The following SCRG1 variants were observed in gnomAD, a reference collection of about 807,000 sequenced individuals.
SCRG1 encodes the protein stimulator of chondrogenesis 1, also known as scrapie-responsive protein 1.
A neutral mutation model predicts 7.7 loss-of-function variants in SCRG1; 3 were observed. That is an observed-to-expected ratio of 0.39 (90% confidence interval 0.18 to 1.01). SCRG1 has a LOEUF of 1.01. SCRG1 is among the 50% of genes least tolerant of loss of function. The pLI is 0.36. For synonymous variants in SCRG1, 46 were observed against 41.2 expected (o/e 1.12, Z -0.44); for missense variants, 110 against 117.2 (o/e 0.94, Z 0.28).
the SCRG1 span, among the ~76,000 whole-genome samples, chr4:173,455,433 G>T: frequency 6.6e-6 from 1 of 152,114 alleles, no homozygotes; most frequent in Non-Finnish European, 1.5e-5. Context: ...CAGTGAAGGG[G>T]CATCGCAGTT....
chr4:173,403,643 T>C (rs1472737696), upstream of SCRG1, among the ~76,000 whole-genome samples: 4 of 152,086 alleles, frequency 2.6e-5, no homozygotes, highest in Non-Finnish European at 5.9e-5. Context: ...TAGGAGCCCA[T>C]GGAATAGTTA....
the SCRG1 span, among the ~76,000 whole-genome samples, chr4:173,431,028 T>C: frequency 6.6e-6 from 1 of 152,156 alleles, no homozygotes; most frequent in African/African-American, 2.4e-5. Context: ...ACAATGTTCA[T>C]GATTTGGATC....
chr4:173,424,638 G>T, the SCRG1 span, among the ~76,000 whole-genome samples: 2 of 152,100 alleles, frequency 1.3e-5, no homozygotes, highest in African/African-American at 4.8e-5. Context: ...GGCTGGGCGC[G>T]GTGGCTCACG....
At chr4:173,493,502 CAGCTACTTGGGAGGCTG>C in the SCRG1 span, among the ~76,000 whole-genome samples, 1 of 151,854 alleles carries the variant, frequency 6.6e-6, no homozygotes, top group African/African-American at 2.4e-5. Context: ...CTTGTAGTCC[CAGCTACTTGGGAGGCTG>C]AGGCAGGAGA....
the SCRG1 span, among the ~76,000 whole-genome samples, chr4:173,411,867 ATGGTT>A: frequency 2.6e-5 from 4 of 152,248 alleles, no homozygotes; most frequent in East Asian, 7.7e-4. Context: ...CCTTGTGTCG[ATGGTT>A]ATTAGGTGTG....
At chr4:173,493,209 G>A in the SCRG1 span, among the ~76,000 whole-genome samples, 2 of 152,110 alleles carry the variant, frequency 1.3e-5, no homozygotes, top group Non-Finnish European at 2.9e-5. Context: ...TCAGGGGGCA[G>A]ACTTCCCCCT....
At chr4:173,495,659 G>A in the SCRG1 span, among the ~76,000 whole-genome samples, 7 of 152,316 alleles carry the variant, frequency 4.6e-5, no homozygotes, top group South Asian at 2.1e-4. Context: ...TTACAGATGA[G>A]GAAACTGAAG....
chr4:173,388,191 G>T lies in SCRG1; in HGVS notation c.*150C>A, dbSNP rs1421423981. 1.0e-5 allele frequency: 5 copies of T among 498,446 alleles called. No homozygotes were observed. Among genetic ancestry groups the T allele is most frequent in the African/African-American group, 6.0e-5 (3 of 50,172 alleles). The allele number at this position is 498,446 out of a possible 1,614,324, so 30.9% of individuals were successfully genotyped here. A position where few individuals can be genotyped will look rare whatever the true frequency, so the allele number is the denominator to read the frequency against. On this transcript the variant is annotated 3_prime_UTR_variant, in exon 3 of 3. Coordinates refer to ENST00000296506, the MANE Select transcript of SCRG1 (RefSeq NM_007281.4). ...ATTGAATTAACTTTTATTACTACTTGTTTAACACAGATTTACTTGTCTTAG... is the reference window on the plus strand; with the variant it reads ...ATTGAATTAACTTTTATTACTACTTTTTTAACACAGATTTACTTGTCTTAG...
intron 1 of SCRG1, among the ~76,000 whole-genome samples, chr4:173,396,919 G>T (rs1233448267): frequency 6.6e-6 from 1 of 151,990 alleles, no homozygotes; most frequent in Non-Finnish European, 1.5e-5. Flanking sequence ...TGAGAGTGGT[G>T]TCATGTGACT....
At chr4:173,408,474 A>C (rs1739967510), upstream of SCRG1, among the ~76,000 whole-genome samples, 1 of 152,220 alleles carries the variant, frequency 6.6e-6, no homozygotes, top group Non-Finnish European at 1.5e-5. Flanking sequence ...GTATGGCTCA[A>C]GTGTAAATAT....
the SCRG1 span, among the ~76,000 whole-genome samples, chr4:173,489,462 C>G: frequency 4.6e-5 from 7 of 151,984 alleles, no homozygotes; most frequent in African/African-American, 9.7e-5. Flanking sequence ...GTCCATTTTT[C>G]CACTTCTTTC....
the SCRG1 span, among the ~76,000 whole-genome samples, chr4:173,517,198 G>A: frequency 2.0e-5 from 3 of 152,162 alleles, no homozygotes; most frequent in South Asian, 2.1e-4. Flanking sequence ...TCCAGGCGAG[G>A]ACTTAAAAAC....
chr4:173,491,539 A>G, the SCRG1 span, among the ~76,000 whole-genome samples: 6 of 152,202 alleles, frequency 3.9e-5, no homozygotes, highest in African/African-American at 1.2e-4. Flanking sequence ...TAAGTGGCAT[A>G]TATTCAGTCT....
At chr4:173,454,409 G>A in the SCRG1 span, among the ~76,000 whole-genome samples, 1 of 152,118 alleles carries the variant, frequency 6.6e-6, no homozygotes, top group East Asian at 1.9e-4. Context: ...GCAAGGAGAC[G>A]AAGGGAAGGT....
At chr4:173,443,694 GT>G in the SCRG1 span, among the ~76,000 whole-genome samples, 23 of 151,246 alleles carry the variant, frequency 1.5e-4, no homozygotes, top group African/African-American at 4.9e-4. Flanking sequence ...ATCACTTTCT[GT>G]TCTGAATTCT....
chr4:173,482,749 T>G, the SCRG1 span, among the ~76,000 whole-genome samples: 1 of 151,160 alleles, frequency 6.6e-6, no homozygotes, highest in Admixed American at 6.7e-5. Flanking sequence ...GCCCAGGAGG[T>G]CAAGGCTGCA....
chr4:173,452,971 C>T, the SCRG1 span, among the ~76,000 whole-genome samples: 3 of 152,132 alleles, frequency 2.0e-5, no homozygotes, highest in African/African-American at 4.8e-5. Context: ...AGATTTTTAC[C>T]CTAGAGTGTC....
chr4:173,445,008 G>C, the SCRG1 span, among the ~76,000 whole-genome samples: 1 of 152,062 alleles, frequency 6.6e-6, no homozygotes, highest in Admixed American at 6.6e-5. Context: ...ATACCAAAAT[G>C]ATATAAGTTG....
chr4:173,415,474 T>G, the SCRG1 span, among the ~76,000 whole-genome samples: 1 of 152,360 alleles, frequency 6.6e-6, no homozygotes, highest in East Asian at 1.9e-4. Context: ...TTGCAAAAAG[T>G]GGCCCCAGAT....
Sources: gnomAD v4.1 joint callset for allele counts (sites outside exome capture counted in the v4.1 genomes callset) on GRCh38, gnomAD v4.1.1 for gene constraint, MANE v1.5 for transcripts, NCBI Gene and HGNC (gene_info 2026-07-23, HGNC 2026-07-21) for gene names.